The following BTRC variants were observed in gnomAD, a reference collection of about 807,000 sequenced individuals.
The protein encoded by BTRC is F-box/WD repeat-containing protein 1A.
BTRC carries 42 observed loss-of-function variants against 85.5 expected under a neutral mutation model. The ratio of observed to expected loss-of-function variants is 0.49; its 90% CI spans 0.38 to 0.64. The LOEUF is 0.64. BTRC is among the 30% of genes least tolerant of loss of function. The probability of loss-of-function intolerance (pLI) is 0.00; values close to 1 mark genes in which losing one functional copy is unlikely to be tolerated. For synonymous variants in BTRC, 255 were observed against 263.3 expected (o/e 0.97, Z 0.30); for missense variants, 594 against 743.5 (o/e 0.80, Z 2.34).
chr10:101,452,798 G>A (rs756127785), intron 2 of BTRC, among the ~76,000 whole-genome samples: 1 of 152,144 alleles, frequency 6.6e-6, no homozygotes, highest in Non-Finnish European at 1.5e-5. Flanking sequence ...TGTGGTTGTG[G>A]TTTAATAGAG....
intron 4 of BTRC, among the ~76,000 whole-genome samples, chr10:101,500,211 A>G (rs1253187004): frequency 6.6e-6 from 1 of 151,962 alleles, no homozygotes; most frequent in Non-Finnish European, 1.5e-5. Context: ...CCTCCTATAC[A>G]CCTAGGCTAT....
At chr10:101,522,919 A>T (rs758619122) in intron 5 of BTRC, among the ~76,000 whole-genome samples, 1 of 152,050 alleles carries the variant, frequency 6.6e-6, no homozygotes, top group Non-Finnish European at 1.5e-5. Context: ...TAAATTCTAC[A>T]GATGGGTTGG....
chr10:101,476,083 G>A (rs949220793), intron 3 of BTRC, among the ~76,000 whole-genome samples: 23 of 151,594 alleles, frequency 1.5e-4, no homozygotes, highest in African/African-American at 5.3e-4. Context: ...AGTGAGAGGG[G>A]CACATCACCT....
At chr10:101,549,923 A>G (rs1023074311) in intron 13 of BTRC, among the ~76,000 whole-genome samples, 6 of 152,056 alleles carry the variant, frequency 3.9e-5, no homozygotes, top group African/African-American at 9.7e-5. Flanking sequence ...CAGCTGGTTG[A>G]CTATGACTAG....
chr10:101,400,592 T>C (rs1219711031), intron 1 of BTRC, among the ~76,000 whole-genome samples: 2 of 152,202 alleles, frequency 1.3e-5, no homozygotes, highest in Admixed American at 1.3e-4. Flanking sequence ...CTCCTCTCCC[T>C]GTCAAAGGAT....
At position 101,479,415 on chromosome 10, in the gene BTRC, T is replaced by A; in HGVS notation, c.282T>A (p.Cys94Ter). 3 of 1,613,490 alleles carry A rather than the reference T, an allele frequency of 1.9e-6. No homozygotes were observed. Among genetic ancestry groups the A allele is most frequent in the Non-Finnish European group, 2.5e-6 (3 of 1,179,604 alleles). Residue 94 changes from cysteine to a stop codon, truncating the protein, a stop_gained, in exon 4 of 15, where the codon TGT (cysteine) becomes TGA (stop). Transcript: ENST00000370187. LOFTEE classifies it high-confidence loss of function. ...TCTGCTTAAACCAAGAAACAGTATGTTTAGCAAGCACTGCTATGAAGACTG... is the reference window on the plus strand; with the variant it reads ...TCTGCTTAAACCAAGAAACAGTATGATTAGCAAGCACTGCTATGAAGACTG... Reference protein sequence around the residue: ...ARLCLNQETVCLASTAMKTEN... With the variant: ...ARLCLNQETV
intron 1 of BTRC, among the ~76,000 whole-genome samples, chr10:101,393,439 A>AT (rs1810465546): frequency 6.6e-6 from 1 of 152,134 alleles, no homozygotes; most frequent in Non-Finnish European, 1.5e-5. Flanking sequence ...ATGGGGGACA[A>AT]TCTTGGAGCT....
At chr10:101,392,384 A>G (rs556063752) in intron 1 of BTRC, among the ~76,000 whole-genome samples, 6 of 152,260 alleles carry the variant, frequency 3.9e-5, no homozygotes, top group Non-Finnish European at 5.9e-5. Context: ...GGAATTCCCA[A>G]TCTTCAGTAA....
At chr10:101,354,077 G>A (rs763077789), upstream of BTRC, 3 of 1,360,358 alleles carry the variant, frequency 2.2e-6, no homozygotes, top group Non-Finnish European at 2.0e-6. Context: ...GTAAGAGAGG[G>A]CGGGGGGAAG....
intron 13 of BTRC, among the ~76,000 whole-genome samples, chr10:101,545,642 G>A (rs1008514149): frequency 1.3e-5 from 2 of 152,146 alleles, no homozygotes; most frequent in Admixed American, 1.3e-4. Context: ...ACAAGTCAAA[G>A]GAAGAAGCAT....
At chr10:101,455,272 G>A (rs1205816455) in intron 2 of BTRC, among the ~76,000 whole-genome samples, 1 of 150,044 alleles carries the variant, frequency 6.7e-6, no homozygotes, top group Non-Finnish European at 1.5e-5. Context: ...ACCCAGGCTG[G>A]TCTTGAACTC....
intron 4 of BTRC, among the ~76,000 whole-genome samples, chr10:101,518,962 G>T (rs1009314416): frequency 1.1e-4 from 17 of 151,898 alleles, no homozygotes; most frequent in Non-Finnish European, 2.1e-4. Flanking sequence ...CAGAAGTGTG[G>T]CACATAGTGG....
chr10:101,356,727 G>A (rs1942044740), intron 1 of BTRC, among the ~76,000 whole-genome samples: 1 of 152,128 alleles, frequency 6.6e-6, no homozygotes, highest in Non-Finnish European at 1.5e-5. Flanking sequence ...TTTGAGATTG[G>A]GTATTCTCTT....
At chr10:101,400,347 C>T (rs1943463729) in intron 1 of BTRC, among the ~76,000 whole-genome samples, 1 of 152,170 alleles carries the variant, frequency 6.6e-6, no homozygotes, top group African/African-American at 2.4e-5. Flanking sequence ...TACTTCTACA[C>T]AAAAGTTAAA....
chr10:101,400,151 T>G (rs960603405), intron 1 of BTRC, among the ~76,000 whole-genome samples: 18 of 152,228 alleles, frequency 1.2e-4, no homozygotes. Context: ...GAAATTGTTA[T>G]TTATTTCATA....
intron 4 of BTRC, among the ~76,000 whole-genome samples, chr10:101,489,213 G>GGT (rs1946066311): frequency 6.6e-6 from 1 of 151,976 alleles, no homozygotes; most frequent in Non-Finnish European, 1.5e-5. Context: ...AATCAGTGAT[G>GGT]TAATACCAAA....
At chr10:101,493,650 A>G (rs1357567076) in intron 4 of BTRC, among the ~76,000 whole-genome samples, 2 of 152,268 alleles carry the variant, frequency 1.3e-5, no homozygotes, top group Non-Finnish European at 2.9e-5. Flanking sequence ...CAAATTGGTT[A>G]TATAAAATTA....
rs538620564 is a variant in BTRC, at chr10:101,406,325, C to T, written c.49-24020C>T. 9.3e-5 allele frequency among the ~76,000 whole-genome samples: 14 copies of T among 150,398 alleles called. No homozygotes were observed. In the South Asian group the frequency reaches 2.7e-3, roughly 29 times the overall value. ...CCGAGTAGCTGGGACTACAGGCGCCCGCCACTACGCCCGGCTAACATTTTG... is the reference window on the plus strand; with the variant it reads ...CCGAGTAGCTGGGACTACAGGCGCCTGCCACTACGCCCGGCTAACATTTTG... On this transcript the variant is annotated intron_variant, in intron 1 of 14. Transcript: ENST00000370187.
chr10:101,539,601 T>G (rs1326092753), intron 13 of BTRC, among the ~76,000 whole-genome samples: 1 of 152,272 alleles, frequency 6.6e-6, no homozygotes, highest in Non-Finnish European at 1.5e-5. Context: ...TTTCTCGTTT[T>G]TGGCTATTAA....
Sources: allele counts gnomAD v4.1 joint callset (sites outside exome capture counted in the v4.1 genomes callset), GRCh38; gene constraint gnomAD v4.1.1; transcripts MANE v1.5; gene names NCBI Gene and HGNC (gene_info 2026-07-23, HGNC 2026-07-21).